The following LOXHD1 variants were observed in gnomAD, a reference collection of about 807,000 sequenced individuals.
LOXHD1 encodes the protein lipoxygenase homology domain-containing protein 1.
In LOXHD1, 205 loss-of-function variants were observed where a neutral mutation model predicts 248.2. That is an observed-to-expected ratio of 0.83 (90% CI 0.74 to 0.93). The LOEUF is 0.93. Among genes scored for constraint, LOXHD1 ranks in the 40% least tolerant of loss-of-function variants. The probability of loss-of-function intolerance (pLI) is 0.00; values close to 1 mark genes in which losing one functional copy is unlikely to be tolerated. For missense variants in LOXHD1, 2,930 were observed against 2,971.6 expected (o/e 0.99, Z 0.33); for synonymous variants, 1,113 against 1,162.8 (o/e 0.96, Z 0.87).
At position 46,547,026 on chromosome 18, in the gene LOXHD1, A is replaced by C. The variant is rs2036877318; in HGVS notation, c.3383T>G (p.Val1128Gly). ...YYFPCQRWLA[V>G]EEDDGQLSRE... The stretch of plus-strand genomic sequence containing the variant: ...GGACAGCTGGCCATCATCTTCCTCC[A>C]CTGCCAGCCAACGTTGGCATGGAAA... Residue 1128 changes from valine (V) to glycine (G), a missense_variant, in exon 22 of 41, where the codon GTG becomes GGG. Coordinates refer to ENST00000642948, the MANE Select transcript of LOXHD1 (RefSeq NM_001384474.1). The C allele has an allele frequency of 1.0e-5, 16 of 1,551,742 alleles. No individual in the cohort carries two copies. Among genetic ancestry groups the C allele is most frequent in the Non-Finnish European group, 1.3e-5 (15 of 1,147,000 alleles).
At chr18:46,655,634 C>T (rs1481470125) in intron 1 of LOXHD1, among the ~76,000 whole-genome samples, 1 of 152,182 alleles carries the variant, frequency 6.6e-6, no homozygotes, top group Non-Finnish European at 1.5e-5. Flanking sequence ...ACTACAGCCC[C>T]CCCTTCTACC....
Position 46,579,567 on chromosome 18 carries a change from C to T in LOXHD1, c.1809+63G>A, listed in dbSNP as rs547281316. On this transcript the variant is annotated intron_variant, in intron 13 of 40. Transcript: ENST00000642948. ...CTCAACTTTAACAGGGCAGGGAAGA[C>T]GAGGGAACATGGGAAGGGAACTGGG... 5.9e-3 allele frequency: 9,105 copies of T among 1,546,108 alleles called. 41 individuals carry two copies. The highest frequency in any genetic ancestry group is 7.3e-3 in the Non-Finnish European group (8,353 of 1,142,476).
At position 46,547,073 on chromosome 18, in the gene LOXHD1, A is replaced by T; in HGVS notation, c.3351-15T>A. The stretch of plus-strand genomic sequence containing the variant: ...GAAAGTAGTACCTGTGGGGGTGGAT[A>T]GGGAAAGATTGGAATGTCCTCTTAG... On this transcript the variant is annotated splice_polypyrimidine_tract_variant and intron_variant, in intron 21 of 40. Transcript: ENST00000642948. The T allele has an allele frequency of 6.4e-7, 1 of 1,551,632 alleles. No homozygotes were observed. The highest frequency in any genetic ancestry group is 8.7e-7 in the Non-Finnish European group (1 of 1,146,918).
chr18:46,642,372 C>T (rs1447606204), intron 2 of LOXHD1, among the ~76,000 whole-genome samples: 1 of 152,212 alleles, frequency 6.6e-6, no homozygotes, highest in East Asian at 1.9e-4. Flanking sequence ...TGACCCCATG[C>T]CCTTTGGCTG....
intron 17 of LOXHD1, among the ~76,000 whole-genome samples, chr18:46,565,882 A>ATT (rs138576500): frequency 4.0e-5 from 6 of 151,170 alleles, no homozygotes; most frequent in African/African-American, 1.5e-4. Context: ...CTGACTGTGT[A>ATT]TTTTTTTTTG....
intron 5 of LOXHD1, among the ~76,000 whole-genome samples, chr18:46,614,843 T>G (rs2038562698): frequency 6.6e-6 from 1 of 152,176 alleles, no homozygotes; most frequent in Non-Finnish European, 1.5e-5. Flanking sequence ...TAAAATAAAC[T>G]AGGACACATT....
At chr18:46,604,957 C>CA (rs1473213381) in intron 6 of LOXHD1, among the ~76,000 whole-genome samples, 1 of 152,136 alleles carries the variant, frequency 6.6e-6, no homozygotes, top group Non-Finnish European at 1.5e-5. Context: ...TTACTGTCAA[C>CA]ATGTATCTCA....
At chr18:46,504,314 C>T (rs182524543) in intron 37 of LOXHD1, among the ~76,000 whole-genome samples, 1 of 152,210 alleles carries the variant, frequency 6.6e-6, no homozygotes, top group Non-Finnish European at 1.5e-5. Context: ...CCATGTTGCC[C>T]AGGCTAGTCT....
rs911088948 is a variant in LOXHD1, at chr18:46,562,963, A to T, written c.2598+102T>A. 1.5e-5 allele frequency: 21 copies of T among 1,358,252 alleles called. No homozygotes were observed. In the African/African-American group the frequency reaches 2.7e-4, roughly 18 times the overall value. The allele number at this position is 1,358,252 out of a possible 1,614,324, so 84.1% of individuals were successfully genotyped here. ...CCACCCAACTGGAGGGAGGCAGCCCATTCTCGGGTGAGTATTGACTGAGGA... is the reference window on the plus strand; with the variant it reads ...CCACCCAACTGGAGGGAGGCAGCCCTTTCTCGGGTGAGTATTGACTGAGGA... On this transcript the variant is annotated intron_variant, in intron 18 of 40. Coordinates refer to ENST00000642948, the MANE Select transcript of LOXHD1 (RefSeq NM_001384474.1).
intron 36 of LOXHD1, among the ~76,000 whole-genome samples, chr18:46,506,312 C>A (rs144230698): frequency 6.6e-6 from 1 of 152,280 alleles, no homozygotes; most frequent in East Asian, 1.9e-4. Context: ...GGGAAATATA[C>A]CCAAACTTAA....
intron 14 of LOXHD1, among the ~76,000 whole-genome samples, chr18:46,574,388 T>TACAC (rs569144159): frequency 2.2e-3 from 280 of 125,302 alleles, no homozygotes; most frequent in African/African-American, 3.4e-3. Context: ...TGTGTACACA[T>TACAC]ACACACACAC....
At chr18:46,569,093 G>C (rs561025302) in intron 16 of LOXHD1, among the ~76,000 whole-genome samples, 1 of 97,588 alleles carries the variant, frequency 1.0e-5, no homozygotes, top group South Asian at 3.2e-4. Flanking sequence ...CCTTCCCTGC[G>C]TTCAGTCTCC....
At chr18:46,613,214 C>T (rs1183990771) in intron 5 of LOXHD1, among the ~76,000 whole-genome samples, 2 of 152,178 alleles carry the variant, frequency 1.3e-5, no homozygotes, top group East Asian at 3.9e-4. Flanking sequence ...GAATTTGAGT[C>T]TTTTCTCATC....
Position 46,489,141 on chromosome 18 carries a change from C to T in LOXHD1, c.5880G>A (p.Gly1960=). Reference sequence around the variant, plus strand: ...AGCTCAGATGCCAGCCAGGAAATATCCCTGTGGAAAAGACACCATGGGGGT... The same window carrying T: ...AGCTCAGATGCCAGCCAGGAAATATTCCTGTGGAAAAGACACCATGGGGGT... The part of the protein sequence containing the change: ...CKLRVWHDNK[G]IFPGWHLSYV... The change falls in exon 38 of 41, where the codon GGG becomes GGA. Residue 1960 remains glycine (G), a splice_region_variant and synonymous_variant. Coordinates refer to ENST00000642948, the MANE Select transcript of LOXHD1 (RefSeq NM_001384474.1). 6.4e-7 allele frequency: 1 copy of T among 1,551,678 alleles called. No individual in the cohort carries two copies. The highest frequency in any genetic ancestry group is 8.7e-7 in the Non-Finnish European group (1 of 1,146,994).
chr18:46,529,071 G>A lies in LOXHD1; in HGVS notation c.4530+106C>T, dbSNP rs180803483. The A allele has an allele frequency of 5.7e-5, 78 of 1,365,832 alleles. 1 individual carries two copies. In the Admixed American group the frequency reaches 6.0e-4, roughly 10 times the overall value. 84.6% of individuals were successfully genotyped at this position (1,365,832 alleles called of 1,614,324 possible). On this transcript the variant is annotated intron_variant, in intron 29 of 40. Transcript: ENST00000642948. ...AGAGGCCCAAATGAGTGTGCACAAT[G>A]CCCCATGGAGTTCCTGGATGTCCCC...
intron 34 of LOXHD1, among the ~76,000 whole-genome samples, chr18:46,516,742 A>T (rs1285992519): frequency 2.6e-5 from 4 of 151,656 alleles, no homozygotes; most frequent in Non-Finnish European, 5.9e-5. Context: ...CATCATCACC[A>T]TCATTATCAT....
chr18:46,578,171 A>T lies in LOXHD1; in HGVS notation c.1810-304T>A, dbSNP rs945951119. On this transcript the variant is annotated intron_variant, in intron 13 of 40. Transcript: ENST00000642948. Reference sequence around the variant, plus strand: ...TTTATCATGAGCTAATTCCTTGGCAAATCTCCTCTGGCTCCTTGCTCTAGA... The same window carrying T: ...TTTATCATGAGCTAATTCCTTGGCATATCTCCTCTGGCTCCTTGCTCTAGA... Among the ~76,000 whole-genome samples the T allele has an allele frequency of 2.6e-5, 4 of 152,212 alleles. No homozygotes were observed. In the East Asian group the frequency reaches 5.8e-4, roughly 22 times the overall value.
rs1599003561 is a variant in LOXHD1, at chr18:46,560,275, A to C, written c.2869T>G (p.Ser957Ala). 1.3e-6 allele frequency: 2 copies of C among 1,550,852 alleles called. No homozygotes were observed. Among genetic ancestry groups the C allele is most frequent in the Non-Finnish European group, 1.7e-6 (2 of 1,146,598 alleles). The stretch of plus-strand genomic sequence containing the variant: ...GACGAGGACTCCTCTGATGAGGACG[A>C]CTCCTCTTCCTCCCCCTCGTCCTCT... ...DEEDEGEEEESSSSEESSSEE... is the reference protein window; with the variant it reads ...DEEDEGEEEEASSSEESSSEE... Residue 957 changes from serine (S) to alanine (A), a missense_variant, in exon 19 of 41, where the codon TCG (serine) becomes GCG (alanine). By Grantham distance (99) the Ser-to-Ala change is moderately conservative. Transcript: ENST00000642948.
rs328179 is a variant in LOXHD1, at chr18:46,648,996, A to G, written c.245+159T>C. 0.79 allele frequency among the ~76,000 whole-genome samples: 120,495 copies of G among 152,170 alleles called. 47,750 individuals carry two copies. Among genetic ancestry groups the G allele is most frequent in the East Asian group, 0.9 (4,630 of 5,150 alleles). ...GAGGGAGGTGCACCGGGGGATCCCC[A>G]GCTGGTACACGGTCTGTCATTAGCA... On this transcript the variant is annotated intron_variant, in intron 2 of 40. Coordinates refer to ENST00000642948, the MANE Select transcript of LOXHD1 (RefSeq NM_001384474.1).
Sources: gnomAD v4.1 joint callset for allele counts (sites outside exome capture counted in the v4.1 genomes callset) on GRCh38, gnomAD v4.1.1 for gene constraint, MANE v1.5 for transcripts, NCBI Gene and HGNC (gene_info 2026-07-23, HGNC 2026-07-21) for gene names.